KIRREL3: variants seen among roughly 807,000 people sequenced by gnomAD.
KIRREL3 encodes the protein kirre like nephrin family adhesion molecule 3, also known as kin of IRRE-like protein 3.
Under a neutral mutation model 89.7 loss-of-function variants are expected in KIRREL3, and 36 were observed. That is an observed-to-expected ratio of 0.40 (90% CI 0.31 to 0.53). KIRREL3 has a LOEUF of 0.53. Ranked by LOEUF, KIRREL3 falls within the 20% of genes least tolerant of loss-of-function variation. The probability of loss-of-function intolerance (pLI) is 0.49; values close to 1 mark genes in which losing one functional copy is unlikely to be tolerated. For synonymous variants in KIRREL3, 445 were observed against 441.4 expected (o/e 1.01, Z -0.10); for missense variants, 864 against 1,056.6 (o/e 0.82, Z 2.53).
chr11:126,865,364 G>T (rs1342726266), intron 1 of KIRREL3, among the ~76,000 whole-genome samples: 1 of 152,222 alleles, frequency 6.6e-6, no homozygotes, highest in African/African-American at 2.4e-5. Context: ...TCTGAGTTGA[G>T]GCTGCCTGCT....
intron 1 of KIRREL3, among the ~76,000 whole-genome samples, chr11:126,672,995 C>T (rs928481139): frequency 6.6e-6 from 1 of 152,162 alleles, no homozygotes; most frequent in Non-Finnish European, 1.5e-5. Context: ...CTTGAGTTTC[C>T]TCATCTCCTG....
At chr11:126,437,121 C>G (rs1181771475) in intron 11 of KIRREL3, 112 bp from the exon 12 acceptor site, 4 of 980,820 alleles carry the variant, frequency 4.1e-6, no homozygotes, top group Non-Finnish European at 5.8e-6. Context: ...CTGCCACACA[C>G]TAACACATGT....
chr11:126,451,805 G>A (rs1262628536), intron 7 of KIRREL3, among the ~76,000 whole-genome samples: 1 of 93,464 alleles, frequency 1.1e-5, no homozygotes, highest in African/African-American at 4.5e-5. Context: ...ATCCTACTCT[G>A]ATCCCAACAT....
rs1030891942 is a variant in KIRREL3, at chr11:126,684,476, G to A, written c.56-121564C>T. On this transcript the variant is annotated intron_variant, in intron 1 of 16. Coordinates refer to ENST00000525144, the MANE Select transcript of KIRREL3 (RefSeq NM_032531.4). This position sits in a 1 kb window ranked among gnomAD's most constrained non-coding sequence, Gnocchi z 4.2. ...TGCCTCCACAAAGCCTCAGGGCTCT[G>A]AGGGTGTTAGGGAAACCACAGGTGT... Among the ~76,000 whole-genome samples the A allele has an allele frequency of 5.3e-5, 8 of 152,198 alleles. No homozygotes were observed. The highest frequency in any genetic ancestry group is 1.9e-4 in the African/African-American group (8 of 41,468).
Position 126,744,344 on chromosome 11 carries a change from A to C in KIRREL3, c.56-181432T>G, listed in dbSNP as rs971212455. ...CTTTTCTGGGAGGTTCACCCGCAGG[A>C]GGTGTGCTGACCAGAGAGGATGAAA... On this transcript the variant is annotated intron_variant, in intron 1 of 16. Coordinates refer to ENST00000525144, the MANE Select transcript of KIRREL3 (RefSeq NM_032531.4). This position sits in a 1 kb window ranked among gnomAD's most constrained non-coding sequence, Gnocchi z 4.7. 1.3e-5 allele frequency among the ~76,000 whole-genome samples: 2 copies of C among 151,880 alleles called. No homozygotes were observed. Among genetic ancestry groups the C allele is most frequent in the African/African-American group, 4.8e-5 (2 of 41,332 alleles).
chr11:126,652,069 A>G lies in KIRREL3; in HGVS notation c.56-89157T>C, dbSNP rs1053523423. 3.9e-5 allele frequency among the ~76,000 whole-genome samples: 6 copies of G among 152,218 alleles called. No homozygotes were observed. The highest frequency in any genetic ancestry group is 8.8e-5 in the Non-Finnish European group (6 of 68,036). ...AGAAAAGATGAAATGGTGAGGGCTC[A>G]TCAATTCTGGGCCAGGAGGAAGATA... On this transcript the variant is annotated intron_variant, in intron 1 of 16. Coordinates refer to ENST00000525144, the MANE Select transcript of KIRREL3 (RefSeq NM_032531.4). This position sits in a 1 kb window ranked among gnomAD's most constrained non-coding sequence, Gnocchi z 4.9.
chr11:126,935,403 G>A (rs2135079182), intron 1 of KIRREL3: 1 of 152,140 alleles, frequency 6.6e-6, no homozygotes, highest in Non-Finnish European at 1.5e-5. Context: ...TAAAAATGTA[G>A]GTCCACACAA....
At chr11:126,706,063 T>G (rs1372698419) in intron 1 of KIRREL3, among the ~76,000 whole-genome samples, 3 of 152,216 alleles carry the variant, frequency 2.0e-5, no homozygotes, top group Admixed American at 2.0e-4. Flanking sequence ...AGTGAACCAC[T>G]AGGGCCTTCT....
At chr11:126,453,019 T>C (rs1331002587) in intron 7 of KIRREL3, among the ~76,000 whole-genome samples, 3 of 152,098 alleles carry the variant, frequency 2.0e-5, no homozygotes, top group African/African-American at 7.2e-5. Context: ...GTGCAGTTTC[T>C]TCCCTGTCCT....
rs1472634871 is a variant in KIRREL3, at chr11:126,917,021, G to C, written c.55+83434C>G. On this transcript the variant is annotated intron_variant, in intron 1 of 16. Coordinates refer to ENST00000525144, the MANE Select transcript of KIRREL3 (RefSeq NM_032531.4). The surrounding 1 kb of genome is among the most constrained non-coding windows in gnomAD (Gnocchi z 5.0). ...TTGTACACCAATGTTCATTGCAGCA[G>C]TATTCATAATAACCAAAAAGTAGAA... Among the ~76,000 whole-genome samples the C allele has an allele frequency of 6.6e-6, 1 of 152,152 alleles. No individual in the cohort carries two copies. Among genetic ancestry groups the C allele is most frequent in the East Asian group, 1.9e-4 (1 of 5,186 alleles).
intron 1 of KIRREL3, among the ~76,000 whole-genome samples, chr11:126,923,376 C>CCTT (rs1395150653): frequency 2.5e-4 from 1 of 3,930 alleles, no homozygotes; most frequent in Admixed American, 4.0e-3. Context: ...TCTCCTTCTT[C>CCTT]CTTCTTCTTC....
At chr11:126,926,527 G>A (rs1363433819) in intron 1 of KIRREL3, among the ~76,000 whole-genome samples, 1 of 152,184 alleles carries the variant, frequency 6.6e-6, no homozygotes, top group African/African-American at 2.4e-5. Flanking sequence ...GGTACTATGA[G>A]GGGTGACTCG....
rs543304888 is a variant in KIRREL3 at position 126,610,501 on chromosome 11, G to T, written c.56-47589C>A. Among the ~76,000 whole-genome samples, 1 of 152,346 alleles carries T rather than the reference G, an allele frequency of 6.6e-6. No individual in the cohort carries two copies. The highest frequency in any genetic ancestry group is 2.1e-4 in the South Asian group (1 of 4,828). On this transcript the variant is annotated intron_variant, in intron 1 of 16. Coordinates refer to ENST00000525144, the MANE Select transcript of KIRREL3 (RefSeq NM_032531.4). The surrounding 1 kb of genome is among the most constrained non-coding windows in gnomAD (Gnocchi z 4.6). ...TAGGATGATAGACTAACCTGGCCCAGCCTGCAACCTCATGGGAATGTGGGA... is the reference window on the plus strand; with the variant it reads ...TAGGATGATAGACTAACCTGGCCCATCCTGCAACCTCATGGGAATGTGGGA...
In KIRREL3 at chr11:126,441,645, C is replaced by T. The variant is rs1955568956; in HGVS notation, c.1253-1096G>A. Among the ~76,000 whole-genome samples the T allele has an allele frequency of 6.6e-6, 1 of 152,198 alleles. No homozygotes were observed. ...GAGAACACACAGAATTATGCAGGAACAAAACAAAAATTGCTGCAAACATAA... is the reference window on the plus strand; with the variant it reads ...GAGAACACACAGAATTATGCAGGAATAAAACAAAAATTGCTGCAAACATAA... On this transcript the variant is annotated intron_variant, in intron 10 of 16. Transcript: ENST00000525144. This position sits in a 1 kb window ranked among gnomAD's most constrained non-coding sequence, Gnocchi z 5.0.
In KIRREL3 at chr11:126,474,177, G is replaced by A. The variant is rs907267223; in HGVS notation, c.434-711C>T. ...TTGGCCAGGCTGGTCTCGAACTCCT[G>A]ACCTCAGGTAATCCACCCGCCTCAG... On this transcript the variant is annotated intron_variant, in intron 4 of 16. Coordinates refer to ENST00000525144, the MANE Select transcript of KIRREL3 (RefSeq NM_032531.4). This position sits in a 1 kb window ranked among gnomAD's most constrained non-coding sequence, Gnocchi z 6.7. 1.3e-5 allele frequency among the ~76,000 whole-genome samples: 2 copies of A among 152,168 alleles called. No homozygotes were observed. The highest frequency in any genetic ancestry group is 1.5e-5 in the Non-Finnish European group (1 of 68,040).
Position 126,516,049 on chromosome 11 carries a change from C to A in KIRREL3, c.433+5266G>T, listed in dbSNP as rs1420101162. Among the ~76,000 whole-genome samples the A allele has an allele frequency of 6.6e-6, 1 of 152,164 alleles. No homozygotes were observed. The highest frequency in any genetic ancestry group is 2.4e-5 in the African/African-American group (1 of 41,436). On this transcript the variant is annotated intron_variant, in intron 4 of 16. Transcript: ENST00000525144. This position sits in a 1 kb window ranked among gnomAD's most constrained non-coding sequence, Gnocchi z 4.9. ...GCGGTGGGCTGAGGAGGCCCTGCAG[C>A]TCTGCTGGTAGAGCTGTGGCAAAGG... is the stretch of plus-strand genomic sequence containing the variant.
At chr11:126,933,185 T>C (rs1948028401) in intron 1 of KIRREL3, among the ~76,000 whole-genome samples, 1 of 152,142 alleles carries the variant, frequency 6.6e-6, no homozygotes, top group Non-Finnish European at 1.5e-5. Flanking sequence ...TGCTGTGCAA[T>C]TCAATTTCTC....
chr11:126,449,238 A>G (rs550398588), intron 7 of KIRREL3, 81 bp from the exon 8 acceptor site: 3 of 1,509,170 alleles, frequency 2.0e-6, no homozygotes, highest in Non-Finnish European at 2.7e-6. Flanking sequence ...CATCCCATGG[A>G]AAAATGAGGC....
Position 126,917,181 on chromosome 11 carries a change from T to A in KIRREL3, c.55+83274A>T, listed in dbSNP as rs985617159. Among the ~76,000 whole-genome samples the A allele has an allele frequency of 6.6e-6, 1 of 152,198 alleles. No homozygotes were observed. The highest frequency in any genetic ancestry group is 1.5e-5 in the Non-Finnish European group (1 of 68,038). ...AAGATTCACCTTGAAAATATTATGC[T>A]AAATCAAATGAACCAGACACAGAAG... On this transcript the variant is annotated intron_variant, in intron 1 of 16. Transcript: ENST00000525144. This position sits in a 1 kb window ranked among gnomAD's most constrained non-coding sequence, Gnocchi z 5.0.
Sources: allele counts gnomAD v4.1 joint callset (sites outside exome capture counted in the v4.1 genomes callset), GRCh38; gene constraint gnomAD v4.1.1; non-coding constraint Gnocchi (gnomAD v3.1); transcripts MANE v1.5; gene names NCBI Gene and HGNC (gene_info 2026-07-23, HGNC 2026-07-21).